ANTXR2: variants seen among roughly 807,000 people sequenced by gnomAD.
ANTXR2 encodes the protein ANTXR cell adhesion molecule 2, also known as anthrax toxin receptor 2.
A neutral mutation model predicts 73.7 loss-of-function variants in ANTXR2; 44 were observed. That is an observed-to-expected ratio of 0.60 (90% CI 0.47 to 0.77). The LOEUF is 0.77. Among genes scored for constraint, ANTXR2 ranks in the 30% least tolerant of loss-of-function variants. The probability of loss-of-function intolerance (pLI) is 0.00; values close to 1 mark genes in which losing one functional copy is unlikely to be tolerated. For missense variants in ANTXR2, 604 were observed against 592.5 expected (o/e 1.02, Z -0.20); for synonymous variants, 217 against 205.9 (o/e 1.05, Z -0.46).
In ANTXR2 at chr4:80,036,018, T is replaced by C; in HGVS notation, c.651A>G (p.Ser217=). The change falls in exon 8 of 17, where the codon TCA becomes TCG. Residue 217 remains serine (S), a synonymous_variant. Transcript: ENST00000403729. ...KGIINSILAQ[S]CTEILELQPS... Reference sequence around the variant, plus strand: ...GCTGCAATTCTAGGATTTCAGTACATGACTGAGCTAGTATCTAAAAAAGAA... The same window carrying C: ...GCTGCAATTCTAGGATTTCAGTACACGACTGAGCTAGTATCTAAAAAAGAA... 3.9e-6 allele frequency: 6 copies of C among 1,523,634 alleles called. No homozygotes were observed. Among genetic ancestry groups the C allele is most frequent in the Non-Finnish European group, 5.3e-6 (6 of 1,139,502 alleles). The allele number at this position is 1,523,634 out of a possible 1,614,324, so 94.4% of individuals were successfully genotyped here.
intron 16 of ANTXR2, among the ~76,000 whole-genome samples, chr4:79,910,079 T>G (rs1727064838): frequency 6.6e-6 from 1 of 152,232 alleles, no homozygotes; most frequent in African/African-American, 2.4e-5. Context: ...ACTTAACTAC[T>G]GTGTACCTCA....
chr4:80,007,796 T>A (rs540773758), intron 12 of ANTXR2, among the ~76,000 whole-genome samples: 1 of 152,238 alleles, frequency 6.6e-6, no homozygotes, highest in Admixed American at 6.5e-5. Context: ...CTTAGAGCAT[T>A]CAGAAAGAAA....
rs764063140 is a variant in ANTXR2, at chr4:79,984,863, C to G, written c.1042G>C (p.Val348Leu). The change falls in exon 13 of 17, where the codon GTT (valine) becomes CTT (leucine). Residue 348 changes from valine to leucine, a missense_variant and splice_region_variant. Coordinates refer to ENST00000403729, the MANE Select transcript of ANTXR2 (RefSeq NM_058172.6). ...WWFWPLCCKV[V>L]IKDPPPPPAP... Reference sequence around the variant, plus strand: ...GGTGGTGGTGGAGGATCCTTAATAACCTGTCAAAAAAAATCAAATATAAAA... The same window carrying G: ...GGTGGTGGTGGAGGATCCTTAATAAGCTGTCAAAAAAAATCAAATATAAAA... 1 of 1,597,976 alleles carries G rather than the reference C, an allele frequency of 6.3e-7. No individual in the cohort carries two copies. Among genetic ancestry groups the G allele is most frequent in the Non-Finnish European group, 8.5e-7 (1 of 1,172,092 alleles).
chr4:80,062,875 A>G (rs1226168241), intron 3 of ANTXR2, among the ~76,000 whole-genome samples: 1 of 152,158 alleles, frequency 6.6e-6, no homozygotes, highest in Non-Finnish European at 1.5e-5. Context: ...TTCTTTAAAC[A>G]TCTGCTCGAA....
intron 12 of ANTXR2, among the ~76,000 whole-genome samples, chr4:79,998,080 T>C (rs1171487815): frequency 6.6e-6 from 1 of 151,938 alleles, no homozygotes; most frequent in African/African-American, 2.4e-5. Context: ...TAAAAACAAG[T>C]GCAATGTACA....
chr4:79,994,134 A>G (rs888995312), intron 12 of ANTXR2, among the ~76,000 whole-genome samples: 2 of 152,026 alleles, frequency 1.3e-5, no homozygotes, highest in Admixed American at 6.6e-5. Context: ...TATAATTACC[A>G]TAGCCTTTTT....
At chr4:80,071,164 T>C (rs980870895) in intron 2 of ANTXR2, among the ~76,000 whole-genome samples, 1 of 152,246 alleles carries the variant, frequency 6.6e-6, no homozygotes, top group Non-Finnish European at 1.5e-5. Context: ...ACATGTTCAT[T>C]TGAAGTTTTC....
chr4:79,950,078 A>G (rs1030473974), intron 16 of ANTXR2, among the ~76,000 whole-genome samples: 1 of 151,914 alleles, frequency 6.6e-6, no homozygotes, highest in African/African-American at 2.4e-5. Context: ...TTCTGACTCA[A>G]TATTTATTAT....
intron 14 of ANTXR2, among the ~76,000 whole-genome samples, chr4:79,978,806 CAA>C (rs1465189451): frequency 6.6e-6 from 1 of 152,146 alleles, no homozygotes; most frequent in Admixed American, 6.5e-5. Flanking sequence ...GTATTTTATA[CAA>C]AAGAGTTGCT....
At chr4:79,915,829 C>CCT (rs71596772) in intron 16 of ANTXR2, among the ~76,000 whole-genome samples, 326 of 132,954 alleles carry the variant, frequency 2.5e-3, no homozygotes, top group Middle Eastern at 7.6e-3. Context: ...TGTCTCTCTC[C>CCT]CTCTCTCTCT....
intron 4 of ANTXR2, 57 bp from the exon 5 acceptor site, chr4:80,055,524 T>TGTTC: frequency 1.4e-6 from 2 of 1,397,364 alleles, no homozygotes; most frequent in Non-Finnish European, 2.0e-6. Context: ...TTAACCAGCA[T>TGTTC]GTTCCATCAA....
At chr4:79,937,764 C>T (rs1371110182) in intron 16 of ANTXR2, among the ~76,000 whole-genome samples, 2 of 151,880 alleles carry the variant, frequency 1.3e-5, no homozygotes, top group Admixed American at 1.3e-4. Flanking sequence ...CTACAGCTCC[C>T]AGCGTGAGCG....
chr4:79,985,863 C>T (rs965438933), intron 12 of ANTXR2, among the ~76,000 whole-genome samples: 10 of 108,460 alleles, frequency 9.2e-5, no homozygotes, highest in Admixed American at 4.4e-4. Flanking sequence ...TTTTTTGAGA[C>T]GGAGTTTCAC....
At chr4:79,953,852 G>T (rs1728796327) in intron 16 of ANTXR2, among the ~76,000 whole-genome samples, 1 of 150,532 alleles carries the variant, frequency 6.6e-6, no homozygotes, top group South Asian at 2.1e-4. Flanking sequence ...TGTTTTGTAT[G>T]TATTATATTT....
At chr4:80,011,661 C>T (rs906554805) in intron 11 of ANTXR2, among the ~76,000 whole-genome samples, 1 of 152,126 alleles carries the variant, frequency 6.6e-6, no homozygotes, top group Non-Finnish European at 1.5e-5. Context: ...CTCTTAAGTC[C>T]ATAGTTTGCA....
At chr4:80,063,433 A>T (rs1734353010) in intron 3 of ANTXR2, among the ~76,000 whole-genome samples, 1 of 151,416 alleles carries the variant, frequency 6.6e-6, no homozygotes, top group Admixed American at 6.6e-5. Context: ...TAATTTCAGC[A>T]TTTTTTTTTA....
chr4:80,062,088 T>A (rs1037238317), intron 3 of ANTXR2, among the ~76,000 whole-genome samples: 2 of 152,206 alleles, frequency 1.3e-5, no homozygotes. Context: ...CTTACTATAG[T>A]CTATGTAAAA....
chr4:79,950,122 A>G (rs1560894843), intron 16 of ANTXR2, among the ~76,000 whole-genome samples: 1 of 151,970 alleles, frequency 6.6e-6, no homozygotes, highest in African/African-American at 2.4e-5. Flanking sequence ...TTTTAAATTA[A>G]ATAGTCATCC....
rs2109916072 is a variant in ANTXR2 at position 79,902,357 on chromosome 4, C to T, written c.*5072G>A. On this transcript the variant is annotated 3_prime_UTR_variant, in exon 17 of 17. Transcript: ENST00000403729. ...ATTACTTACTTAGTAAAGTATTTTC[C>T]ACTGAATACTTGCTATGGGTAGCAC... The T allele has an allele frequency of 6.6e-6, 1 of 152,138 alleles. No homozygotes were observed. The highest frequency in any genetic ancestry group is 1.5e-5 in the Non-Finnish European group (1 of 68,000). 9.4% of individuals were successfully genotyped at this position (152,138 alleles called of 1,614,324 possible).
Sources: gnomAD v4.1 joint callset for allele counts (sites outside exome capture counted in the v4.1 genomes callset) on GRCh38, gnomAD v4.1.1 for gene constraint, MANE v1.5 for transcripts, NCBI Gene and HGNC (gene_info 2026-07-23, HGNC 2026-07-21) for gene names.